Variants in SFXN2 observed in about 807,000 individuals in gnomAD.
SFXN2 encodes the protein sideroflexin-2.
In SFXN2, 37 loss-of-function variants were observed where a neutral mutation model predicts 41.9. That is an observed-to-expected ratio of 0.88 (90% CI 0.68 to 1.16). The LOEUF (loss-of-function observed/expected upper bound fraction) is 1.16, where lower values mean the gene tolerates loss of function less well. SFXN2 is among the 50% of genes most tolerant of loss of function. The pLI, the probability that SFXN2 is intolerant of heterozygous loss-of-function variation, is 0.00. For missense variants in SFXN2, 386 were observed against 425.2 expected, an observed-to-expected ratio of 0.91 and a Z score of 0.81; for synonymous variants, 150 against 156.7, an observed-to-expected ratio of 0.96 and a Z score of 0.32.
chr10:102,716,202 C>T (rs1443028919), intron 1 of SFXN2: 2 of 152,054 alleles, frequency 1.3e-5, no homozygotes, highest in Non-Finnish European at 1.5e-5. Flanking sequence ...ATACCTGGGC[C>T]TGCTCTTGTA....
intron 11 of SFXN2, among the ~76,000 whole-genome samples, chr10:102,736,838 A>G (rs2064787665): frequency 6.7e-6 from 1 of 150,212 alleles, no homozygotes; most frequent in Non-Finnish European, 1.5e-5. Flanking sequence ...GGCGTGAGCC[A>G]CCGTTCCCCG....
At position 102,726,759 on chromosome 10, in the gene SFXN2, G is replaced by A; in HGVS notation, c.123G>A (p.Arg41=). The change falls in exon 2 of 12, where the codon CGG becomes CGA. Residue 41 remains arginine, a synonymous_variant. Transcript: ENST00000369893. ...TDPRTVFVSE[R]ELDWAKVMVE... is the part of the protein sequence containing the mutation. Reference sequence around the variant, plus strand: ...CCCGCACTGTCTTTGTATCTGAGCGGGAGCTGGACTGGGCCAAGGTGATGG... The same window carrying A: ...CCCGCACTGTCTTTGTATCTGAGCGAGAGCTGGACTGGGCCAAGGTGATGG... 1 of 1,614,214 alleles carries A rather than the reference G, an allele frequency of 6.2e-7. No homozygotes were observed. Among genetic ancestry groups the A allele is most frequent in the Non-Finnish European group, 8.5e-7 (1 of 1,180,040 alleles).
At chr10:102,737,090 GT>G (rs1564747940) in intron 11 of SFXN2, among the ~76,000 whole-genome samples, 1 of 152,026 alleles carries the variant, frequency 6.6e-6, no homozygotes, top group Non-Finnish European at 1.5e-5. Flanking sequence ...GGAAGTGGAG[GT>G]TGCGGTGAGC....
intron 1 of SFXN2, among the ~76,000 whole-genome samples, chr10:102,722,417 C>T (rs551177513): frequency 1.6e-4 from 25 of 152,324 alleles, no homozygotes; most frequent in African/African-American, 5.5e-4. Flanking sequence ...ATGGATTTCT[C>T]TGATCCATAA....
Position 102,718,148 on chromosome 10 carries a change from C to A in SFXN2, c.-26+3467C>A, listed in dbSNP as rs537243113. On this transcript the variant is annotated intron_variant, in intron 1 of 11. Coordinates refer to ENST00000369893, the MANE Select transcript of SFXN2 (RefSeq NM_178858.6). ...GACTCTGCAGTTTCTATCCTGACTTCAATTAAGAAGGCAAAGGCTCTTGCA... is the reference window on the plus strand; with the variant it reads ...GACTCTGCAGTTTCTATCCTGACTTAAATTAAGAAGGCAAAGGCTCTTGCA... Among the ~76,000 whole-genome samples the A allele has an allele frequency of 1.8e-4, 28 of 152,324 alleles. No homozygotes were observed. In the South Asian group the frequency reaches 5.6e-3, roughly 30 times the overall value.
At chr10:102,732,279 C>T (rs2064716165) in intron 8 of SFXN2, 61 bp downstream of exon 8, 1 of 1,493,930 alleles carries the variant, frequency 6.7e-7, no homozygotes, top group Admixed American at 1.9e-5. Context: ...AGGTCTCAGC[C>T]ACACTCAGCT....
At chr10:102,715,418 T>A (rs1564736526) in intron 1 of SFXN2, 1 of 152,138 alleles carries the variant, frequency 6.6e-6, no homozygotes, top group Non-Finnish European at 1.5e-5. Flanking sequence ...GAGGCAAAAA[T>A]GAGCCTGCAT....
At chr10:102,719,095 T>C (rs2064463452) in intron 1 of SFXN2, among the ~76,000 whole-genome samples, 1 of 151,084 alleles carries the variant, frequency 6.6e-6, no homozygotes, top group Non-Finnish European at 1.5e-5. Flanking sequence ...GGCTAATTTT[T>C]TGTATTTTTA....
Position 102,726,879 on chromosome 10 carries a change from A to T in SFXN2, c.161+82A>T, listed in dbSNP as rs555550591. The stretch of plus-strand genomic sequence containing the variant: ...GGGAGGAGGTGGAAACCGAAGGTGA[A>T]GGAATAGGCAGAAATCTCAGGGCTG... On this transcript the variant is annotated intron_variant, in intron 2 of 11. Coordinates refer to ENST00000369893, the MANE Select transcript of SFXN2 (RefSeq NM_178858.6). The T allele has an allele frequency of 8.4e-5, 134 of 1,588,146 alleles. 1 individual carries two copies. In the South Asian group the frequency reaches 1.5e-3, roughly 17 times the overall value.
rs563033768 is a variant in SFXN2, at chr10:102,723,224, T to C, written c.-25-3388T>C. 2.7e-5 allele frequency among the ~76,000 whole-genome samples: 4 copies of C among 149,704 alleles called. No individual in the cohort carries two copies. The East Asian group carries it at 7.9e-4, about 29-fold the overall frequency. The stretch of plus-strand genomic sequence containing the variant: ...GCCTCCAAAGTGCTGAGATTACAGA[T>C]GTGAGCTACCATGCCTGGCCGACTA... On this transcript the variant is annotated intron_variant, in intron 1 of 11. Coordinates refer to ENST00000369893, the MANE Select transcript of SFXN2 (RefSeq NM_178858.6).
At chr10:102,718,077 T>C (rs978907170) in intron 1 of SFXN2, among the ~76,000 whole-genome samples, 14 of 152,232 alleles carry the variant, frequency 9.2e-5, no homozygotes, top group African/African-American at 3.4e-4. Flanking sequence ...TTTAGTGTTT[T>C]TTTTGTTTTG....
chr10:102,726,538 C>G (rs1281950909), intron 1 of SFXN2, 74 bp from the exon 2 acceptor site: 1 of 1,473,960 alleles, frequency 6.8e-7, no homozygotes, highest in Non-Finnish European at 9.2e-7. Flanking sequence ...CAGTCTGCAA[C>G]AGTGGGACGT....
chr10:102,738,132 C>T lies in SFXN2; in HGVS notation c.*370C>T, dbSNP rs2064805175. ...GAAAAGACCTTGGATCAAAAGGAAGCTTCTATACCTCTTTCTTCTTCGCTT... is the reference window on the plus strand; with the variant it reads ...GAAAAGACCTTGGATCAAAAGGAAGTTTCTATACCTCTTTCTTCTTCGCTT... On this transcript the variant is annotated 3_prime_UTR_variant, in exon 12 of 12. Coordinates refer to ENST00000369893, the MANE Select transcript of SFXN2 (RefSeq NM_178858.6). 6.4e-6 allele frequency: 1 copy of T among 157,038 alleles called. No individual in the cohort carries two copies. Among genetic ancestry groups the T allele is most frequent in the Admixed American group, 6.5e-5 (1 of 15,488 alleles). The allele number at this position is 157,038 out of a possible 1,614,324, so 9.7% of individuals were successfully genotyped here.
rs1035489451 is a variant in SFXN2 at position 102,734,828 on chromosome 10, T to C, written c.822-1034T>C. Among the ~76,000 whole-genome samples the C allele has an allele frequency of 6.6e-6, 1 of 152,134 alleles. No homozygotes were observed. The highest frequency in any genetic ancestry group is 2.4e-5 in the African/African-American group (1 of 41,414). ...GTCCCGCGTCCTGTAAGACCTTGCC[T>C]CCCAAACCCTGGTCCATGCCAGCAT... On this transcript the variant is annotated intron_variant, in intron 10 of 11. Transcript: ENST00000369893. The surrounding 1 kb of genome is among the most constrained non-coding windows in gnomAD (Gnocchi z 4.1).
chr10:102,719,556 A>G (rs1371607685), intron 1 of SFXN2, among the ~76,000 whole-genome samples: 3 of 152,058 alleles, frequency 2.0e-5, no homozygotes, highest in Non-Finnish European at 4.4e-5. Flanking sequence ...CTGATTTTTC[A>G]GGGTTTGTCC....
intron 1 of SFXN2, among the ~76,000 whole-genome samples, chr10:102,716,955 G>A (rs940026226): frequency 2.0e-5 from 3 of 152,072 alleles, no homozygotes; most frequent in Non-Finnish European, 4.4e-5. Flanking sequence ...GACTGGATCT[G>A]TTGATTGTTC....
rs1842789054 is a variant in SFXN2 at position 102,741,913 on chromosome 10, T to C, written c.*4151T>C. On this transcript the variant is annotated 3_prime_UTR_variant, in exon 12 of 12. Transcript: ENST00000369893. ...CAAAAATACGTGTCACTTTTTATAG[T>C]ACTTGGAAAAGCAGGATCAAGATAA... The C allele has an allele frequency of 6.6e-6, 1 of 152,248 alleles. No homozygotes were observed. Among genetic ancestry groups the C allele is most frequent in the African/African-American group, 2.4e-5 (1 of 41,458 alleles). 9.4% of individuals were successfully genotyped at this position (152,248 alleles called of 1,614,324 possible). A position where few individuals can be genotyped will look rare whatever the true frequency, so the allele number is the denominator to read the frequency against.
intron 6 of SFXN2, 125 bp downstream of exon 6, chr10:102,729,933 C>T: frequency 9.9e-7 from 1 of 1,013,870 alleles, no homozygotes; most frequent in Non-Finnish European, 1.5e-6. Flanking sequence ...GGCTGAGCCT[C>T]TGAAGGGCCC....
Position 102,728,419 on chromosome 10 carries a change from C to T in SFXN2, c.333-12C>T. ...ACTTCTCTCTGCCTCTCCTGGCCTTCCTCACTGGTAGGACGATGCCGGCGG... is the reference window on the plus strand; with the variant it reads ...ACTTCTCTCTGCCTCTCCTGGCCTTTCTCACTGGTAGGACGATGCCGGCGG... On this transcript the variant is annotated splice_polypyrimidine_tract_variant and intron_variant, in intron 3 of 11. Transcript: ENST00000369893. The T allele has an allele frequency of 6.2e-7, 1 of 1,613,692 alleles. No homozygotes were observed. The highest frequency in any genetic ancestry group is 8.5e-7 in the Non-Finnish European group (1 of 1,179,596).
Sources: allele counts gnomAD v4.1 joint callset (sites outside exome capture counted in the v4.1 genomes callset), GRCh38; gene constraint gnomAD v4.1.1; non-coding constraint Gnocchi (gnomAD v3.1); transcripts MANE v1.5; gene names NCBI Gene and HGNC (gene_info 2026-07-23, HGNC 2026-07-21).